Variants in PLXNA4 observed in about 807,000 individuals in gnomAD.
PLXNA4 encodes plexin A4.
In PLXNA4, 44 loss-of-function variants were observed where a neutral mutation model predicts 191.8. That is an observed-to-expected ratio of 0.23 (90% CI 0.18 to 0.29). The LOEUF is 0.29. Ranked by LOEUF, PLXNA4 falls within the 10% of genes least tolerant of loss-of-function variation. The pLI is 1.00. For synonymous variants in PLXNA4, 1,082 were observed against 1,009.5 expected, an observed-to-expected ratio of 1.07 and a Z score of -1.36; for missense variants, 1,800 against 2,488.8, an observed-to-expected ratio of 0.72 and a Z score of 5.89.
chr7:132,298,326 T>C, intron 3 of PLXNA4, 104 bp from the exon 4 acceptor site: 1 of 1,429,902 alleles, frequency 7.0e-7, no homozygotes, highest in African/African-American at 1.4e-5. Context: ...AGGGCATGAG[T>C]TCTGTCTCCA....
upstream of PLXNA4, among the ~76,000 whole-genome samples, chr7:132,582,113 C>T (rs1802412795): frequency 6.6e-6 from 1 of 152,242 alleles, no homozygotes; most frequent in African/African-American, 2.4e-5. Flanking sequence ...GCACAAGGTC[C>T]CGTAGTATGC....
chr7:132,390,058 C>T lies in PLXNA4; in HGVS notation c.1372-91836G>A, dbSNP rs1031219426. Among the ~76,000 whole-genome samples, 69 of 152,278 alleles carry T rather than the reference C, an allele frequency of 4.5e-4. 1 individual carries two copies. Among genetic ancestry groups the T allele is most frequent in the African/African-American group, 1.6e-3 (66 of 41,554 alleles). ...GAAATACCATTTGACCCAGCAATCC[C>T]ATCACTGGGTATATACCCAAAGTAT... On this transcript the variant is annotated intron_variant, in intron 3 of 31. Coordinates refer to ENST00000321063, the MANE Select transcript of PLXNA4 (RefSeq NM_020911.2).
intron 3 of PLXNA4, among the ~76,000 whole-genome samples, chr7:132,334,114 CA>C (rs1253061127): frequency 6.6e-6 from 1 of 152,068 alleles, no homozygotes; most frequent in Non-Finnish European, 1.5e-5. Flanking sequence ...CTCTGTAGCC[CA>C]GTGTAAAACA....
chr7:132,206,364 T>C (rs757764579), intron 10 of PLXNA4, among the ~76,000 whole-genome samples: 6 of 152,112 alleles, frequency 3.9e-5, no homozygotes, highest in African/African-American at 7.2e-5. Context: ...ATAGCAGCCA[T>C]GCATTGAGTG....
At chr7:132,136,469 A>C (rs1795115679) in intron 30 of PLXNA4, among the ~76,000 whole-genome samples, 1 of 152,120 alleles carries the variant, frequency 6.6e-6, no homozygotes, top group Non-Finnish European at 1.5e-5. Flanking sequence ...TGGTCCCACC[A>C]CTGGCCTTCC....
At chr7:132,215,977 G>C (rs1797951296) in intron 9 of PLXNA4, among the ~76,000 whole-genome samples, 1 of 152,220 alleles carries the variant, frequency 6.6e-6, no homozygotes, top group Non-Finnish European at 1.5e-5. Context: ...CTGAGGAGGG[G>C]ATTGTGGGAG....
intron 3 of PLXNA4, among the ~76,000 whole-genome samples, chr7:132,380,613 C>T (rs746592327): frequency 2.0e-5 from 3 of 152,164 alleles, no homozygotes; most frequent in Non-Finnish European, 2.9e-5. Context: ...AGACAGCAGT[C>T]CTCCACAGAG....
chr7:132,142,214 A>G (rs2671094), intron 29 of PLXNA4, among the ~76,000 whole-genome samples: 152,192 of 152,312 alleles, frequency 1, 76,036 homozygotes, highest in Middle Eastern at 1. Context: ...CCATCCCTGC[A>G]GGCTATAATC....
intron 24 of PLXNA4, among the ~76,000 whole-genome samples, chr7:132,160,646 C>T (rs899004410): frequency 2.6e-5 from 4 of 152,140 alleles, no homozygotes; most frequent in Admixed American, 6.5e-5. Context: ...GTGGCCCTCC[C>T]CTTCTGGGCT....
chr7:132,357,774 A>T (rs1803770323), intron 3 of PLXNA4, among the ~76,000 whole-genome samples: 1 of 152,200 alleles, frequency 6.6e-6, no homozygotes, highest in Non-Finnish European at 1.5e-5. Flanking sequence ...CAGACTCTTC[A>T]GGGGATTTTA....
At position 132,276,679 on chromosome 7, in the gene PLXNA4, C is replaced by T. The variant is rs182924253; in HGVS notation, c.1503+21412G>A. On this transcript the variant is annotated intron_variant, in intron 4 of 31. Transcript: ENST00000321063. ...TGTTATTATTATTTCTGTGGAATGG[C>T]ATATATCCGTGCCATTAACTCTACA... is the stretch of plus-strand genomic sequence containing the variant. Among the ~76,000 whole-genome samples the T allele has an allele frequency of 8.0e-4, 122 of 152,230 alleles. 1 individual carries two copies. The highest frequency in any genetic ancestry group is 1.2e-3 in the Non-Finnish European group (81 of 68,026).
intron 2 of PLXNA4, among the ~76,000 whole-genome samples, chr7:132,596,747 T>C (rs763473296): frequency 5.9e-5 from 9 of 151,686 alleles, no homozygotes; most frequent in Non-Finnish European, 1.3e-4. Context: ...GAAATACCAT[T>C]AAGAAGGAAG....
chr7:132,326,793 G>C (rs1313668433), intron 3 of PLXNA4, among the ~76,000 whole-genome samples: 3 of 151,964 alleles, frequency 2.0e-5, no homozygotes, highest in Non-Finnish European at 2.9e-5. Context: ...TTCCCCCATA[G>C]AAACTAGAAA....
At chr7:132,297,928 T>C (rs1261252179) in intron 4 of PLXNA4, among the ~76,000 whole-genome samples, 163 bp downstream of exon 4, 9 of 152,230 alleles carry the variant, frequency 5.9e-5, no homozygotes, top group South Asian at 4.1e-4. Flanking sequence ...ACACCAAGCC[T>C]CAGTCCCCAG....
chr7:132,560,567 A>C (rs931099263), intron 1 of PLXNA4, among the ~76,000 whole-genome samples: 5 of 152,128 alleles, frequency 3.3e-5, no homozygotes, highest in Non-Finnish European at 7.4e-5. Flanking sequence ...GTAAGCATGA[A>C]GTTGAAGCTG....
At chr7:132,349,149 A>G (rs1327561876) in intron 3 of PLXNA4, among the ~76,000 whole-genome samples, 1 of 152,014 alleles carries the variant, frequency 6.6e-6, no homozygotes, top group Non-Finnish European at 1.5e-5. Context: ...TTCTTGAAAG[A>G]TTTTTTTTAA....
At chr7:132,546,784 C>T (rs752056784) in intron 1 of PLXNA4, among the ~76,000 whole-genome samples, 5 of 152,286 alleles carry the variant, frequency 3.3e-5, no homozygotes, top group Non-Finnish European at 7.4e-5. Flanking sequence ...CTCCTAACAC[C>T]CTTGTCGATT....
intron 10 of PLXNA4, among the ~76,000 whole-genome samples, chr7:132,210,166 G>C (rs868171617): frequency 1.3e-5 from 2 of 152,190 alleles, no homozygotes; most frequent in Non-Finnish European, 2.9e-5. Flanking sequence ...TATGTGTCTA[G>C]TGTTTGTCTC....
intron 3 of PLXNA4, among the ~76,000 whole-genome samples, chr7:132,454,117 A>G (rs939727899): frequency 3.3e-5 from 5 of 152,216 alleles, no homozygotes; most frequent in Non-Finnish European, 7.3e-5. Context: ...AGCAGCAACA[A>G]TGCTGTCAAT....
Sources: allele counts gnomAD v4.1 joint callset (sites outside exome capture counted in the v4.1 genomes callset), GRCh38; gene constraint gnomAD v4.1.1; transcripts MANE v1.5; gene names NCBI Gene and HGNC (gene_info 2026-07-23, HGNC 2026-07-21).